CAMTA1: variants seen among roughly 807,000 people sequenced by gnomAD.
The protein encoded by CAMTA1 is calmodulin binding transcription activator 1.
A neutral mutation model predicts 170.9 loss-of-function variants in CAMTA1; 27 were observed. The observed-to-expected ratio is 0.16, with a 90% CI of 0.12 to 0.22. The LOEUF (loss-of-function observed/expected upper bound fraction) is 0.22, where lower values mean the gene tolerates loss of function less well. CAMTA1 is among the 10% of genes least tolerant of loss of function. The pLI, the probability that CAMTA1 is intolerant of heterozygous loss-of-function variation, is 1.00. For synonymous variants in CAMTA1, 833 were observed against 891.5 expected, an observed-to-expected ratio of 0.93 and a Z score of 1.17; for missense variants, 1,619 against 2,217.2, an observed-to-expected ratio of 0.73 and a Z score of 5.42.
At chr1:6,869,433 A>G (rs552646401) in intron 3 of CAMTA1, among the ~76,000 whole-genome samples, 6 of 152,224 alleles carry the variant, frequency 3.9e-5, no homozygotes, top group Non-Finnish European at 7.3e-5. Flanking sequence ...TGTGGCTTAT[A>G]TACTTGCCTC....
At chr1:7,073,594 G>A (rs1572855633) in intron 3 of CAMTA1, among the ~76,000 whole-genome samples, 1 of 152,310 alleles carries the variant, frequency 6.6e-6, no homozygotes, top group Admixed American at 6.5e-5. Context: ...TCAAGAGAGA[G>A]TGAGCTTGTT....
At chr1:7,172,662 C>T (rs951260879) in intron 4 of CAMTA1, among the ~76,000 whole-genome samples, 1 of 152,210 alleles carries the variant, frequency 6.6e-6, no homozygotes, top group African/African-American at 2.4e-5. Context: ...AAACAACGGT[C>T]TCACTGGGCA....
chr1:7,112,507 G>A (rs754217340), intron 4 of CAMTA1, among the ~76,000 whole-genome samples: 2 of 151,984 alleles, frequency 1.3e-5, no homozygotes, highest in African/African-American at 4.8e-5. Flanking sequence ...TGGCCGAGCC[G>A]AACACCAGCC....
intron 19 of CAMTA1, among the ~76,000 whole-genome samples, chr1:7,750,550 G>A (rs775481062): frequency 2.0e-5 from 3 of 152,222 alleles, no homozygotes; most frequent in African/African-American, 4.8e-5. Context: ...GCTCTGCAGC[G>A]GGCTGCGTGG....
At chr1:6,864,769 G>T (rs1304377529) in intron 3 of CAMTA1, among the ~76,000 whole-genome samples, 3 of 152,126 alleles carry the variant, frequency 2.0e-5, no homozygotes, top group Admixed American at 1.3e-4. Context: ...GGGCACTCTT[G>T]CTGGGTGTTT....
intron 5 of CAMTA1, among the ~76,000 whole-genome samples, chr1:7,326,034 T>C (rs1679212905): frequency 6.6e-6 from 1 of 152,086 alleles, no homozygotes; most frequent in African/African-American, 2.4e-5. Flanking sequence ...AATTTTTGTA[T>C]TTTTAGTAGA....
At chr1:7,048,269 A>C (rs1705729337) in intron 3 of CAMTA1, among the ~76,000 whole-genome samples, 1 of 152,172 alleles carries the variant, frequency 6.6e-6, no homozygotes, top group African/African-American at 2.4e-5. Flanking sequence ...ACAAGGAGAA[A>C]TTGTAGAGCG....
rs1167211493 is a variant in CAMTA1 at position 7,534,330 on chromosome 1, A to G, written c.510+66429A>G. On this transcript the variant is annotated intron_variant, in intron 6 of 22. Coordinates refer to ENST00000303635, the MANE Select transcript of CAMTA1 (RefSeq NM_015215.4). The surrounding 1 kb of genome is among the most constrained non-coding windows in gnomAD (Gnocchi z 5.6). ...TAGTTTGCGTCAACATCCCCCTCCA[A>G]GCATCCATTCTAGAAAGGGAGGAAT... is the stretch of plus-strand genomic sequence containing the variant. 1.3e-5 allele frequency among the ~76,000 whole-genome samples: 2 copies of G among 152,172 alleles called. No individual in the cohort carries two copies. The highest frequency in any genetic ancestry group is 2.9e-5 in the Non-Finnish European group (2 of 68,036).
At chr1:7,517,790 G>A (rs553169210) in intron 6 of CAMTA1, among the ~76,000 whole-genome samples, 4 of 151,990 alleles carry the variant, frequency 2.6e-5, no homozygotes, top group South Asian at 4.1e-4. Flanking sequence ...CAGTCCTGGC[G>A]ATGTACTTTC....
At chr1:7,371,147 G>A (rs1311573274) in intron 5 of CAMTA1, among the ~76,000 whole-genome samples, 1 of 152,032 alleles carries the variant, frequency 6.6e-6, no homozygotes, top group Non-Finnish European at 1.5e-5. Flanking sequence ...TCCTGACCTT[G>A]TGATCCTCCT....
At chr1:7,117,966 C>T (rs1467292868) in intron 4 of CAMTA1, among the ~76,000 whole-genome samples, 1 of 152,156 alleles carries the variant, frequency 6.6e-6, no homozygotes. Flanking sequence ...CCAGCCCTTT[C>T]GGGACCCACT....
At chr1:7,314,966 A>C (rs538715065) in intron 5 of CAMTA1, among the ~76,000 whole-genome samples, 9 of 152,364 alleles carry the variant, frequency 5.9e-5, no homozygotes, top group African/African-American at 1.9e-4. Flanking sequence ...AAGGATAGAT[A>C]TGACCTTGAG....
intron 6 of CAMTA1, among the ~76,000 whole-genome samples, chr1:7,606,508 T>G (rs2095487923): frequency 1.3e-5 from 2 of 152,244 alleles, no homozygotes; most frequent in Admixed American, 6.5e-5. Context: ...TTTTATTTTC[T>G]TGAACAATTA....
intron 7 of CAMTA1, among the ~76,000 whole-genome samples, chr1:7,659,653 G>A (rs1384999860): frequency 1.3e-5 from 2 of 152,130 alleles, no homozygotes; most frequent in African/African-American, 2.4e-5. Context: ...GTGTTCCGGG[G>A]CTGAGCCATC....
Position 7,469,091 on chromosome 1 carries a change from G to A in CAMTA1, c.510+1190G>A, listed in dbSNP as rs78793524. 4.5e-3 allele frequency among the ~76,000 whole-genome samples: 680 copies of A among 152,310 alleles called. 5 individuals carry two copies. The highest frequency in any genetic ancestry group is 0.015 in the African/African-American group (635 of 41,562). On this transcript the variant is annotated intron_variant, in intron 6 of 22. Transcript: ENST00000303635. ...TCTCCCTCAGTTCCCAGAAATAGCC[G>A]TCTGTTGTTCAGCAAGTTCAAATGA...
intron 3 of CAMTA1, among the ~76,000 whole-genome samples, chr1:6,979,072 A>C (rs2149630734): frequency 6.6e-6 from 1 of 152,270 alleles, no homozygotes; most frequent in African/African-American, 2.4e-5. Flanking sequence ...AGTACCCCTT[A>C]GTGAGTTGTT....
chr1:7,467,112 A>C (rs549519872), intron 5 of CAMTA1, among the ~76,000 whole-genome samples: 11 of 152,236 alleles, frequency 7.2e-5, no homozygotes, highest in Admixed American at 3.9e-4. Context: ...GGTCTAGGTG[A>C]TGGGCCCCTG....
intron 3 of CAMTA1, among the ~76,000 whole-genome samples, chr1:7,061,520 G>A (rs1199397273): frequency 6.9e-6 from 1 of 145,306 alleles, no homozygotes; most frequent in African/African-American, 2.7e-5. Context: ...GATGAGAGGG[G>A]CTCGGTTGAG....
intron 4 of CAMTA1, among the ~76,000 whole-genome samples, chr1:7,119,998 A>G (rs762186388): frequency 3.9e-5 from 6 of 152,154 alleles, no homozygotes; most frequent in Non-Finnish European, 7.3e-5. Flanking sequence ...TTTAATCCTT[A>G]CAACCACCCC....
Sources: gnomAD v4.1 joint callset for allele counts (sites outside exome capture counted in the v4.1 genomes callset) on GRCh38, gnomAD v4.1.1 for gene constraint, Gnocchi (gnomAD v3.1) non-coding constraint, MANE v1.5 for transcripts, NCBI Gene and HGNC (gene_info 2026-07-23, HGNC 2026-07-21) for gene names.